Variants in COL8A2 observed in about 807,000 individuals in gnomAD.
COL8A2 encodes the protein collagen alpha-2(VIII) chain.
COL8A2 carries 16 observed loss-of-function variants against 24.0 expected under a neutral mutation model. The observed-to-expected ratio is 0.67, with a 90% CI of 0.45 to 1.01. The LOEUF (loss-of-function observed/expected upper bound fraction) is 1.01. Among genes scored for constraint, COL8A2 ranks in the 50% least tolerant of loss-of-function variants. COL8A2 has a pLI of 0.00. For missense variants in COL8A2, 818 were observed against 942.4 expected (o/e 0.87, Z 1.73); for synonymous variants, 466 against 424.5 (o/e 1.10, Z -1.20).
intron 1 of COL8A2, among the ~76,000 whole-genome samples, chr1:36,120,960 A>C (rs1445276116): frequency 6.8e-6 from 1 of 146,610 alleles, no homozygotes; most frequent in Non-Finnish European, 1.5e-5. Context: ...CTGGTGGTGC[A>C]CACCTGTAAT....
At chr1:36,119,353 C>A (rs1266062569) in intron 1 of COL8A2, among the ~76,000 whole-genome samples, 1 of 152,152 alleles carries the variant, frequency 6.6e-6, no homozygotes, top group East Asian at 1.9e-4. Flanking sequence ...TGCCCAAGTT[C>A]CCCCAGCCAG....
chr1:36,120,268 A>G (rs1157231182), intron 1 of COL8A2, among the ~76,000 whole-genome samples: 1 of 152,158 alleles, frequency 6.6e-6, no homozygotes, highest in Non-Finnish European at 1.5e-5. Flanking sequence ...AGCCTGACCA[A>G]CATGGCGAAA....
intron 1 of COL8A2, among the ~76,000 whole-genome samples, chr1:36,118,842 A>G (rs1049060354): frequency 1.3e-5 from 2 of 152,200 alleles, no homozygotes; most frequent in Non-Finnish European, 1.5e-5. Context: ...AAAATTTCCC[A>G]TTTCTGAGCT....
intron 1 of COL8A2, among the ~76,000 whole-genome samples, chr1:36,116,931 C>T (rs1187425593): frequency 6.6e-6 from 1 of 152,212 alleles, no homozygotes; most frequent in East Asian, 1.9e-4. Flanking sequence ...GTGCCAGGAT[C>T]TAACAAAAGT....
At chr1:36,105,685 C>T (rs565572181) in intron 2 of COL8A2, among the ~76,000 whole-genome samples, 2 of 151,304 alleles carry the variant, frequency 1.3e-5, no homozygotes, top group African/African-American at 2.4e-5. Context: ...TGGTGGCTCA[C>T]ACTTGTAATC....
rs934357984 is a variant in COL8A2 at position 36,125,096 on chromosome 1, G to C, written c.-101C>G. 1 of 975,796 alleles carries C rather than the reference G, an allele frequency of 1.0e-6. No individual in the cohort carries two copies. The highest frequency in any genetic ancestry group is 1.8e-5 in the African/African-American group (1 of 56,682). 60.4% of individuals were successfully genotyped at this position (975,796 alleles called of 1,614,324 possible). ...GCCGGGCGCCGCTCCCGGCCCTCGA[G>C]GGCGGCCCGGGCGGCGAGGGCTCCG... On this transcript the variant is annotated 5_prime_UTR_variant, in exon 1 of 4. Transcript: ENST00000397799. The surrounding 1 kb of genome is among the most constrained non-coding windows in gnomAD (Gnocchi z 4.5).
rs770069044 is a variant in COL8A2 at position 36,097,628 on chromosome 1, G to A, written c.2053C>T (p.Leu685Phe). ...GAGTGGATGTACTCCGTGGAGTAGA[G>A]GCCGTTGGCCTGGTCCGACGGCATC... ...VQMPSDQANG[L>F]YSTEYIHSSF... The change falls in exon 4 of 4, where the codon CTC becomes TTC. Residue 685 changes from leucine (L) to phenylalanine (F), a missense_variant. Physicochemically the swap from Leu to Phe is conservative, Grantham distance 22. This residue lies in a region of COL8A2 where 235 missense variants were observed against 297.3 expected (regional missense o/e 0.79). Transcript: ENST00000397799. 2 of 1,613,420 alleles carry A rather than the reference G, an allele frequency of 1.2e-6. No homozygotes were observed. Among genetic ancestry groups the A allele is most frequent in the Admixed American group, 3.3e-5 (2 of 60,010 alleles).
intron 2 of COL8A2, among the ~76,000 whole-genome samples, chr1:36,103,553 G>C (rs1169600396): frequency 6.6e-6 from 1 of 151,918 alleles, no homozygotes. Context: ...GATTGCAGGC[G>C]TGAGGCCCAC....
intron 2 of COL8A2, among the ~76,000 whole-genome samples, chr1:36,110,503 C>T (rs1370071070): frequency 7.2e-6 from 1 of 139,630 alleles, no homozygotes; most frequent in African/African-American, 3.4e-5. Flanking sequence ...CTCACTTTCT[C>T]ACCCAAGCTG....
rs1394201053 is a variant in COL8A2, at chr1:36,099,357, A to G, written c.324T>C (p.His108=). Residue 108 remains histidine, a synonymous_variant, in exon 4 of 4, where the codon CAT becomes CAC. Coordinates refer to ENST00000397799, the MANE Select transcript of COL8A2 (RefSeq NM_005202.4). The stretch of plus-strand genomic sequence containing the variant: ...GGGGCCCAGCAGGGCCAGGCTGCCC[A>G]TGGAGTCCTGGCTTTCCCATGCCTG... ...GKPGMGKPGL[H]GQPGPAGPPG... is the part of the protein sequence containing the mutation. The G allele has an allele frequency of 6.3e-7, 1 of 1,580,560 alleles. No individual in the cohort carries two copies.
rs115276377 is a variant in COL8A2, at chr1:36,123,778, T to G, written c.-62+1279A>C. Among the ~76,000 whole-genome samples, 14 of 152,230 alleles carry G rather than the reference T, an allele frequency of 9.2e-5. No individual in the cohort carries two copies. The highest frequency in any genetic ancestry group is 3.1e-4 in the African/African-American group (13 of 41,540). Reference sequence around the variant, plus strand: ...AAGGCTGTGTGTGGCTGGGTGAGCATGTCTGTGGTTTCTCCTCATTATCAT... The same window carrying G: ...AAGGCTGTGTGTGGCTGGGTGAGCAGGTCTGTGGTTTCTCCTCATTATCAT... On this transcript the variant is annotated intron_variant, in intron 1 of 3. Transcript: ENST00000397799. This position sits in a 1 kb window ranked among gnomAD's most constrained non-coding sequence, Gnocchi z 4.1.
chr1:36,115,294 G>GCGCCACC lies in COL8A2; in HGVS notation c.-17+407_-17+413dup, dbSNP rs1489800223. Among the ~76,000 whole-genome samples the GCGCCACC allele has an allele frequency of 2.0e-4, 31 of 152,308 alleles. No individual in the cohort carries two copies. The highest frequency in any genetic ancestry group is 7.2e-4 in the African/African-American group (30 of 41,568). ...GTTCGCATTTGCAGCCTTTTCCGGA[G>GCGCCACC]CGCCACCCGCCACCCGCTGCCTCCC... On this transcript the variant is annotated intron_variant, in intron 2 of 3. Transcript: ENST00000397799. This position sits in a 1 kb window ranked among gnomAD's most constrained non-coding sequence, Gnocchi z 5.7.
intron 1 of COL8A2, among the ~76,000 whole-genome samples, chr1:36,120,241 G>A (rs1643900769): frequency 6.6e-6 from 1 of 152,106 alleles, no homozygotes; most frequent in Non-Finnish European, 1.5e-5. Flanking sequence ...ATCACTTGAG[G>A]TCAGGAGTTC....
chr1:36,122,921 G>C (rs1643924842), intron 1 of COL8A2, among the ~76,000 whole-genome samples: 1 of 151,910 alleles, frequency 6.6e-6, no homozygotes, highest in Non-Finnish European at 1.5e-5. Context: ...CTGTCCCTGA[G>C]AGAACCCTGA....
intron 2 of COL8A2, among the ~76,000 whole-genome samples, chr1:36,111,995 TTTAA>T (rs1456773751): frequency 6.6e-6 from 1 of 152,064 alleles, no homozygotes; most frequent in Non-Finnish European, 1.5e-5. Flanking sequence ...TTGTTGTTTA[TTTAA>T]TTAATTTGTT....
At chr1:36,112,129 G>A (rs1039162763) in intron 2 of COL8A2, among the ~76,000 whole-genome samples, 2 of 152,046 alleles carry the variant, frequency 1.3e-5, no homozygotes, top group Admixed American at 6.6e-5. Flanking sequence ...TCAGCCTCCC[G>A]AGTAGCTGGG....
In COL8A2 at chr1:36,098,829, C is replaced by G; in HGVS notation, c.852G>C (p.Gly284=). The change falls in exon 4 of 4, where the codon GGG becomes GGC. Residue 284 remains glycine, a synonymous_variant. Coordinates refer to ENST00000397799, the MANE Select transcript of COL8A2 (RefSeq NM_005202.4). ...CCTGTGGTCCTGGCAACCCTGCTGC[C>G]CCTGGGACTCCCACACCGTCTACTC... is the stretch of plus-strand genomic sequence containing the variant. The part of the protein sequence containing the change: ...PPGVDGVGVP[G]AAGLPGPQGP... 1 of 1,612,324 alleles carries G rather than the reference C, an allele frequency of 6.2e-7. No homozygotes were observed. The highest frequency in any genetic ancestry group is 1.1e-5 in the South Asian group (1 of 91,074).
intron 2 of COL8A2, among the ~76,000 whole-genome samples, chr1:36,102,213 C>G (rs1385817529): frequency 6.6e-6 from 1 of 152,174 alleles, no homozygotes; most frequent in Non-Finnish European, 1.5e-5. Context: ...TGCTACAACA[C>G]AGATGAATCT....
intron 2 of COL8A2, among the ~76,000 whole-genome samples, chr1:36,102,671 GT>G (rs71053904): frequency 0.1 from 12,545 of 121,290 alleles, 546 homozygotes; most frequent in East Asian, 0.37. Flanking sequence ...CTGGTTTTTT[GT>G]TTTTTTTTTT....
Sources: gnomAD v4.1 joint callset for allele counts (sites outside exome capture counted in the v4.1 genomes callset) on GRCh38, gnomAD v4.1.1 for gene constraint, gnomAD v4.1.1 regional missense constraint, Gnocchi (gnomAD v3.1) non-coding constraint, MANE v1.5 for transcripts, NCBI Gene and HGNC (gene_info 2026-07-23, HGNC 2026-07-21) for gene names.